Variants in IFNAR1 observed in about 807,000 individuals in gnomAD.
IFNAR1 encodes interferon alpha/beta receptor 1.
IFNAR1 carries 47 observed loss-of-function variants against 62.1 expected under a neutral mutation model. The observed-to-expected ratio is 0.76, with a 90% CI of 0.60 to 0.97. IFNAR1 has a LOEUF of 0.97. Ranked by LOEUF, IFNAR1 falls within the 50% of genes least tolerant of loss-of-function variation. The pLI, the probability that IFNAR1 is intolerant of heterozygous loss-of-function variation, is 0.00. For synonymous variants in IFNAR1, 219 were observed against 226.9 expected (o/e 0.97, Z 0.31); for missense variants, 638 against 654.5 (o/e 0.97, Z 0.27).
intron 2 of IFNAR1, among the ~76,000 whole-genome samples, chr21:33,337,010 C>G (rs2083243740): frequency 6.6e-6 from 1 of 152,102 alleles, no homozygotes; most frequent in African/African-American, 2.4e-5. Flanking sequence ...CTCAGCCTCC[C>G]AAAGTGCTAG....
chr21:33,345,456 A>G (rs2083336595), intron 6 of IFNAR1, 96 bp downstream of exon 6: 2 of 729,808 alleles, frequency 2.7e-6, no homozygotes. Context: ...ACACAGAATG[A>G]CCGACTGGGA....
chr21:33,354,254 A>T (rs1221487698), intron 10 of IFNAR1, among the ~76,000 whole-genome samples: 1 of 152,176 alleles, frequency 6.6e-6, no homozygotes, highest in African/African-American at 2.4e-5. Context: ...AGGCAGGGGG[A>T]TCGCTTGAAC....
chr21:33,333,958 A>G (rs562085081), intron 1 of IFNAR1, among the ~76,000 whole-genome samples: 7 of 152,334 alleles, frequency 4.6e-5, no homozygotes, highest in African/African-American at 1.7e-4. Context: ...AAAGACACAT[A>G]TAAACTGAAA....
In IFNAR1 at chr21:33,343,584, C is replaced by T; in HGVS notation, c.581C>T (p.Pro194Leu). ...AGACATAAAATTTATAAACTCTCAC[C>T]AGAGACTACTTATTGTCTAAAAGTT... Reference protein sequence around the residue: ...YSRHKIYKLSPETTYCLKVKA... With the variant: ...YSRHKIYKLSLETTYCLKVKA... Residue 194 changes from proline to leucine, a missense_variant, in exon 5 of 11, where the codon CCA becomes CTA. Pro to Leu is a moderately conservative substitution (Grantham distance 98, BLOSUM62 -3). Transcript: ENST00000270139. The T allele has an allele frequency of 6.4e-7, 1 of 1,559,044 alleles. No individual in the cohort carries two copies. Among genetic ancestry groups the T allele is most frequent in the Non-Finnish European group, 8.8e-7 (1 of 1,130,232 alleles).
intron 2 of IFNAR1, among the ~76,000 whole-genome samples, chr21:33,337,900 G>GT (rs2083258210): frequency 6.6e-6 from 1 of 151,960 alleles, no homozygotes; most frequent in African/African-American, 2.4e-5. Context: ...TACCAGTTTT[G>GT]TTTTTTCCCT....
At chr21:33,328,553 G>GT (rs1252315466) in intron 1 of IFNAR1, among the ~76,000 whole-genome samples, 1 of 152,092 alleles carries the variant, frequency 6.6e-6, no homozygotes, top group East Asian at 1.9e-4. Flanking sequence ...AAGACCTTAA[G>GT]TTTACAGCTC....
Position 33,330,432 on chromosome 21 carries a change from A to G in IFNAR1, c.77-5092A>G, listed in dbSNP as rs1413867655. Among the ~76,000 whole-genome samples the G allele has an allele frequency of 2.0e-5, 3 of 152,218 alleles. No homozygotes were observed. The South Asian group carries it at 6.2e-4, about 32-fold the overall frequency. On this transcript the variant is annotated intron_variant, in intron 1 of 10. Transcript: ENST00000270139. ...CAACTGCATTTATGGGGAAAATTAG[A>G]AAGTCACTGTACATACCTAGGGAAA...
intron 6 of IFNAR1, 119 bp downstream of exon 6, chr21:33,345,479 A>G: frequency 3.0e-6 from 2 of 670,916 alleles, no homozygotes; most frequent in Non-Finnish European, 5.4e-6. Context: ...TGGGTACGAT[A>G]TATTGGAAAC....
intron 8 of IFNAR1, among the ~76,000 whole-genome samples, chr21:33,352,462 G>A (rs147057264): frequency 1.1e-3 from 160 of 152,182 alleles, no homozygotes; most frequent in African/African-American, 3.5e-3. Context: ...AAAATTAGGC[G>A]TGGTGGCATC....
chr21:33,349,048 T>C, intron 6 of IFNAR1, 43 bp from the exon 7 acceptor site: 1 of 1,257,280 alleles, frequency 8.0e-7, no homozygotes. Context: ...TTGTAAATAC[T>C]TAATAAATAT....
intron 3 of IFNAR1, among the ~76,000 whole-genome samples, chr21:33,342,901 C>A (rs1449145443): frequency 6.8e-6 from 1 of 148,048 alleles, no homozygotes; most frequent in Non-Finnish European, 1.5e-5. Flanking sequence ...GTCACAGCAG[C>A]CTCCACAATG....
At chr21:33,331,659 A>G (rs2083182424) in intron 1 of IFNAR1, among the ~76,000 whole-genome samples, 1 of 152,102 alleles carries the variant, frequency 6.6e-6, no homozygotes, top group African/African-American at 2.4e-5. Flanking sequence ...TGCTGCTGCT[A>G]CACTTGGCCT....
chr21:33,354,399 T>TA (rs766661936), intron 10 of IFNAR1, among the ~76,000 whole-genome samples: 2 of 152,204 alleles, frequency 1.3e-5, no homozygotes, highest in Non-Finnish European at 2.9e-5. Flanking sequence ...GTCCCAAACT[T>TA]ACGCTGTTTC....
rs1483194550 is a variant in IFNAR1, at chr21:33,356,731, T to A, written c.*1182T>A. The A allele has an allele frequency of 2.0e-5, 3 of 152,162 alleles. No homozygotes were observed. The highest frequency in any genetic ancestry group is 4.4e-5 in the Non-Finnish European group (3 of 68,028). 9.4% of individuals were successfully genotyped at this position (152,162 alleles called of 1,614,324 possible). ...GCCAGAAGATAGTGTATGCAAGAAG[T>A]CTTGGGACCAGAAAATGGCAATGAT... On this transcript the variant is annotated 3_prime_UTR_variant, in exon 11 of 11. Transcript: ENST00000270139.
intron 8 of IFNAR1, among the ~76,000 whole-genome samples, chr21:33,351,974 G>A (rs933731568): frequency 6.6e-6 from 1 of 151,894 alleles, no homozygotes; most frequent in Non-Finnish European, 1.5e-5. Flanking sequence ...GGGATTACAG[G>A]TGTGACCCAC....
Position 33,343,655 on chromosome 21 carries a change from G to C in IFNAR1, c.652G>C (p.Val218Leu), listed in dbSNP as rs773550034. The C allele has an allele frequency of 1.2e-6, 2 of 1,601,416 alleles. No individual in the cohort carries two copies. The highest frequency in any genetic ancestry group is 1.1e-5 in the South Asian group (1 of 89,454). ...ATGGAAAATTGGTGTCTATAGTCCA[G>C]TACATTGTATAAAGACCACAGGTAA... ...TSWKIGVYSPVHCIKTTVENE... is the reference protein window; with the variant it reads ...TSWKIGVYSPLHCIKTTVENE... Residue 218 changes from valine to leucine, a missense_variant, in exon 5 of 11, where the codon GTA (valine) becomes CTA (leucine). Val to Leu is a conservative substitution (Grantham distance 32). Transcript: ENST00000270139.
At position 33,348,731 on chromosome 21, in the gene IFNAR1, A is replaced by G. The variant is rs17875830; in HGVS notation, c.789-360A>G. 4.0e-3 allele frequency among the ~76,000 whole-genome samples: 606 copies of G among 152,174 alleles called. 3 individuals carry two copies. The highest frequency in any genetic ancestry group is 0.014 in the African/African-American group (578 of 41,502). On this transcript the variant is annotated intron_variant, in intron 6 of 10. Transcript: ENST00000270139. ...GGCAGGAGAATTGCTTGAACCCAGGAGGCAGAGGTTGCAGTGAGCCAAGAT... is the reference window on the plus strand; with the variant it reads ...GGCAGGAGAATTGCTTGAACCCAGGGGGCAGAGGTTGCAGTGAGCCAAGAT...
chr21:33,339,375 G>A (rs546186112), intron 2 of IFNAR1, among the ~76,000 whole-genome samples: 44 of 152,264 alleles, frequency 2.9e-4, no homozygotes, highest in African/African-American at 9.6e-4. Flanking sequence ...ATATGCTAGT[G>A]TATATTTTTG....
At chr21:33,346,091 T>A (rs2083342910) in intron 6 of IFNAR1, among the ~76,000 whole-genome samples, 1 of 152,188 alleles carries the variant, frequency 6.6e-6, no homozygotes. Flanking sequence ...GAGACCCCCA[T>A]CTCTAAGCAT....
Sources: gnomAD v4.1 joint callset for allele counts (sites outside exome capture counted in the v4.1 genomes callset) on GRCh38, gnomAD v4.1.1 for gene constraint, MANE v1.5 for transcripts, NCBI Gene and HGNC (gene_info 2026-07-23, HGNC 2026-07-21) for gene names.